Variants in NLGN1 observed in about 807,000 individuals in gnomAD.
NLGN1 encodes neuroligin 1.
In NLGN1, 12 loss-of-function variants were observed where a neutral mutation model predicts 65.5. The ratio of observed to expected loss-of-function variants is 0.18; its 90% CI spans 0.12 to 0.30. The LOEUF is 0.30. Ranked by LOEUF, NLGN1 falls within the 10% of genes least tolerant of loss-of-function variation. The pLI, the probability that NLGN1 is intolerant of heterozygous loss-of-function variation, is 1.00. For synonymous variants in NLGN1, 350 were observed against 359.5 expected, an observed-to-expected ratio of 0.97 and a Z score of 0.30; for missense variants, 750 against 1,007.1, an observed-to-expected ratio of 0.74 and a Z score of 3.46.
intron 4 of NLGN1, among the ~76,000 whole-genome samples, chr3:173,992,166 G>C (rs925861034): frequency 6.6e-6 from 1 of 152,036 alleles, no homozygotes; most frequent in African/African-American, 2.4e-5. Flanking sequence ...ACAATTCATA[G>C]TAAGAAACAG....
intron 4 of NLGN1, among the ~76,000 whole-genome samples, chr3:174,038,139 G>C (rs189096508): frequency 6.6e-6 from 1 of 152,286 alleles, no homozygotes; most frequent in Non-Finnish European, 1.5e-5. Context: ...GGCAGTCGCT[G>C]TGAATCCAGG....
chr3:173,593,007 T>G (rs887258897), intron 2 of NLGN1, among the ~76,000 whole-genome samples: 3 of 152,232 alleles, frequency 2.0e-5, no homozygotes. Flanking sequence ...TCTGGCACAT[T>G]CTATACCTTG....
intron 4 of NLGN1, among the ~76,000 whole-genome samples, chr3:173,832,741 T>C (rs961393522): frequency 9.8e-5 from 15 of 152,310 alleles, no homozygotes; most frequent in African/African-American, 3.6e-4. Context: ...GTAATACATG[T>C]ACATGATTAA....
intron 4 of NLGN1, among the ~76,000 whole-genome samples, chr3:174,163,051 T>G (rs1726850095): frequency 6.6e-6 from 1 of 151,906 alleles, no homozygotes. Flanking sequence ...CATTTTAAAG[T>G]GGAGAACAGA....
At chr3:174,065,227 G>A (rs897767915) in intron 4 of NLGN1, among the ~76,000 whole-genome samples, 1 of 151,946 alleles carries the variant, frequency 6.6e-6, no homozygotes, top group East Asian at 1.9e-4. Context: ...AAGTTGTGAG[G>A]TTCTTATATA....
intron 4 of NLGN1, among the ~76,000 whole-genome samples, chr3:173,950,603 A>G (rs1323675918): frequency 6.6e-6 from 1 of 152,152 alleles, no homozygotes; most frequent in Non-Finnish European, 1.5e-5. Context: ...ACCTGAGGTC[A>G]GGAGTTCAAG....
chr3:173,604,525 T>G (rs1467765627), exon 3 of NLGN1: 1 of 1,509,388 alleles, frequency 6.6e-7, no homozygotes, highest in Non-Finnish European at 9.1e-7. Flanking sequence ...TCTACCATTA[T>G]ACAGTCTTTC....
chr3:174,193,553 C>T (rs769252387), intron 4 of NLGN1, among the ~76,000 whole-genome samples: 8 of 152,164 alleles, frequency 5.3e-5, no homozygotes, highest in Non-Finnish European at 8.8e-5. Flanking sequence ...AATCTTCTTA[C>T]GACTCCATTG....
chr3:173,613,986 T>C (rs538733393), intron 3 of NLGN1, among the ~76,000 whole-genome samples: 5 of 151,208 alleles, frequency 3.3e-5, no homozygotes, highest in Admixed American at 1.3e-4. Context: ...TCTTCTTCTT[T>C]TTTTTTTCTT....
intron 4 of NLGN1, among the ~76,000 whole-genome samples, chr3:173,863,555 C>T (rs1246483210): frequency 1.3e-5 from 2 of 152,174 alleles, no homozygotes; most frequent in African/African-American, 4.8e-5. Context: ...TCAATGAAGT[C>T]ATTCTGAATA....
chr3:174,174,980 T>C (rs1729182800), intron 4 of NLGN1, among the ~76,000 whole-genome samples: 2 of 152,038 alleles, frequency 1.3e-5, no homozygotes, highest in South Asian at 4.1e-4. Flanking sequence ...TGTTATTAAT[T>C]TCTAGTTTTA....
At chr3:173,547,484 G>A (rs1434136819) in intron 2 of NLGN1, among the ~76,000 whole-genome samples, 1 of 152,072 alleles carries the variant, frequency 6.6e-6, no homozygotes. Context: ...AAAATGCTGT[G>A]TTATAACTTT....
At chr3:173,397,850 T>G (rs1290286097), upstream of NLGN1, 1 of 148,686 alleles carries the variant, frequency 6.7e-6, no homozygotes, top group African/African-American at 2.5e-5. Flanking sequence ...GAAAGGCGAG[T>G]CGGAGTGGGT....
At chr3:173,919,469 T>C (rs1223309825) in intron 4 of NLGN1, among the ~76,000 whole-genome samples, 1 of 152,176 alleles carries the variant, frequency 6.6e-6, no homozygotes, top group Non-Finnish European at 1.5e-5. Context: ...CCACACTCAC[T>C]TTATTAGGAA....
chr3:173,765,939 A>G (rs1412394805), intron 3 of NLGN1, among the ~76,000 whole-genome samples: 2 of 151,962 alleles, frequency 1.3e-5, no homozygotes, highest in Non-Finnish European at 2.9e-5. Context: ...ATATCCTTTG[A>G]ATGTAGGTCA....
chr3:173,759,327 A>T (rs1777607184), intron 3 of NLGN1, among the ~76,000 whole-genome samples: 1 of 152,062 alleles, frequency 6.6e-6, no homozygotes, highest in Non-Finnish European at 1.5e-5. Context: ...TAATATTAGC[A>T]AAGATAAACC....
intron 4 of NLGN1, among the ~76,000 whole-genome samples, chr3:173,980,264 G>C (rs1392404864): frequency 6.6e-6 from 1 of 152,038 alleles, no homozygotes; most frequent in East Asian, 1.9e-4. Flanking sequence ...TTATCTTAAT[G>C]TATGTTCTTT....
At chr3:173,865,325 C>G (rs943498250) in intron 4 of NLGN1, among the ~76,000 whole-genome samples, 1 of 151,930 alleles carries the variant, frequency 6.6e-6, no homozygotes, top group Non-Finnish European at 1.5e-5. Context: ...TATTTGATTA[C>G]ATATGTACTG....
At chr3:173,783,587 A>G (rs1331319580) in intron 3 of NLGN1, among the ~76,000 whole-genome samples, 1 of 152,206 alleles carries the variant, frequency 6.6e-6, no homozygotes, top group Non-Finnish European at 1.5e-5. Context: ...TTTACATCCA[A>G]AAAACTTGTC....
Sources: allele counts gnomAD v4.1 joint callset (sites outside exome capture counted in the v4.1 genomes callset), GRCh38; gene constraint gnomAD v4.1.1; transcripts MANE v1.5; gene names NCBI Gene and HGNC (gene_info 2026-07-23, HGNC 2026-07-21).